The following TBC1D19 variants were observed in gnomAD, a reference collection of about 807,000 sequenced individuals.
TBC1D19 encodes the protein TBC1 domain family member 19.
A neutral mutation model predicts 89.0 loss-of-function variants in TBC1D19; 60 were observed. The observed-to-expected ratio is 0.67, with a 90% CI of 0.55 to 0.84. The LOEUF is 0.84. TBC1D19 is among the 40% of genes least tolerant of loss of function. TBC1D19 has a pLI of 0.00. For synonymous variants in TBC1D19, 189 were observed against 199.7 expected (o/e 0.95, Z 0.45); for missense variants, 500 against 610.8 (o/e 0.82, Z 1.91).
At position 26,659,645 on chromosome 4, in the gene TBC1D19, A is replaced by C; in HGVS notation, c.529A>C (p.Ser177Arg). 6.3e-7 allele frequency: 1 copy of C among 1,595,894 alleles called. No individual in the cohort carries two copies. The highest frequency in any genetic ancestry group is 1.1e-5 in the South Asian group (1 of 88,386). Residue 177 changes from serine (S) to arginine (R), a missense_variant, in exon 8 of 21, where the codon AGT (serine) becomes CGT (arginine). Transcript: ENST00000264866. Reference sequence around the variant, plus strand: ...AAATTATGAAAACGGTGATTCTCTTAGTTTCAGGACTCATTTGGGTTTAAT... The same window carrying C: ...AAATTATGAAAACGGTGATTCTCTTCGTTTCAGGACTCATTTGGGTTTAAT... ...NPNYENGDSLSFRTHLGLIQV... is the reference protein window; with the variant it reads ...NPNYENGDSLRFRTHLGLIQV...
intron 18 of TBC1D19, among the ~76,000 whole-genome samples, chr4:26,747,520 C>T (rs187608926): frequency 2.9e-4 from 44 of 152,284 alleles, no homozygotes; most frequent in African/African-American, 9.9e-4. Context: ...ATGACACCAA[C>T]CAAGGCAACC....
chr4:26,599,811 G>A (rs892489487), intron 1 of TBC1D19, among the ~76,000 whole-genome samples: 1 of 151,902 alleles, frequency 6.6e-6, no homozygotes, highest in Non-Finnish European at 1.5e-5. Context: ...AGCTGGGTAT[G>A]GTGGCGTGCA....
chr4:26,600,619 G>A lies in TBC1D19; in HGVS notation c.100-12550G>A, dbSNP rs149395763. Among the ~76,000 whole-genome samples the A allele has an allele frequency of 4.5e-3, 682 of 152,318 alleles. 4 individuals carry two copies. Among genetic ancestry groups the A allele is most frequent in the African/African-American group, 0.016 (651 of 41,566 alleles). On this transcript the variant is annotated intron_variant, in intron 1 of 20. Coordinates refer to ENST00000264866, the MANE Select transcript of TBC1D19 (RefSeq NM_018317.4). Reference sequence around the variant, plus strand: ...GGCATAGAGTATACCACGAAAGGAGGCTAAGAATAGAGATGCGGATGAATA... The same window carrying A: ...GGCATAGAGTATACCACGAAAGGAGACTAAGAATAGAGATGCGGATGAATA...
At chr4:26,768,628 A>G in the TBC1D19 span, among the ~76,000 whole-genome samples, 1 of 152,148 alleles carries the variant, frequency 6.6e-6, no homozygotes, top group Admixed American at 6.6e-5. Context: ...TTAAGTAGAG[A>G]CATGGAAGAT....
intron 15 of TBC1D19, among the ~76,000 whole-genome samples, chr4:26,726,133 ACACACAC>A (rs1717299320): frequency 5.7e-5 from 1 of 17,478 alleles, no homozygotes; most frequent in Non-Finnish European, 1.4e-4. Context: ...CCCAACACAC[ACACACAC>A]ACACACACAC....
At chr4:26,752,077 C>A (rs1324728771) in intron 19 of TBC1D19, among the ~76,000 whole-genome samples, 1 of 152,106 alleles carries the variant, frequency 6.6e-6, no homozygotes, top group Non-Finnish European at 1.5e-5. Flanking sequence ...CTATGCCTCA[C>A]TCTCTATATT....
intron 15 of TBC1D19, among the ~76,000 whole-genome samples, chr4:26,731,961 G>A (rs532248308): frequency 3.7e-4 from 56 of 152,152 alleles, no homozygotes; most frequent in Admixed American, 6.5e-4. Context: ...GAAAATGAGC[G>A]AGATTAGAGA....
At chr4:26,670,517 G>A (rs1712202674) in intron 9 of TBC1D19, among the ~76,000 whole-genome samples, 1 of 151,488 alleles carries the variant, frequency 6.6e-6, no homozygotes, top group African/African-American at 2.4e-5. Flanking sequence ...TTCAAAACTA[G>A]AGTTTTCAAG....
At chr4:26,650,545 CTTG>C (rs1744291520) in intron 7 of TBC1D19, among the ~76,000 whole-genome samples, 2 of 152,116 alleles carry the variant, frequency 1.3e-5, no homozygotes, top group African/African-American at 4.8e-5. Flanking sequence ...CCTTCGCCCA[CTTG>C]TTGATGGGGT....
chr4:26,748,651 T>C (rs1356151804), intron 19 of TBC1D19, 125 bp downstream of exon 19: 1 of 710,694 alleles, frequency 1.4e-6, no homozygotes. Context: ...AATTAATAGA[T>C]ATATCTGGCT....
chr4:26,818,060 G>A, the TBC1D19 span, among the ~76,000 whole-genome samples: 1 of 150,324 alleles, frequency 6.7e-6, no homozygotes, highest in Non-Finnish European at 1.5e-5. Flanking sequence ...TGGGGGTGTG[G>A]TTTGAAGTCC....
At chr4:26,593,383 A>G (rs942856697) in intron 1 of TBC1D19, among the ~76,000 whole-genome samples, 1 of 152,322 alleles carries the variant, frequency 6.6e-6, no homozygotes, top group East Asian at 1.9e-4. Context: ...AAGCATAAAA[A>G]CCCTAGAAGA....
intron 2 of TBC1D19, 75 bp from the exon 3 acceptor site, chr4:26,614,333 G>A (rs1741546954): frequency 9.3e-7 from 1 of 1,076,004 alleles, no homozygotes; most frequent in African/African-American, 1.6e-5. Context: ...GTTTTATTGA[G>A]ATAAATTTAA....
intron 13 of TBC1D19, among the ~76,000 whole-genome samples, chr4:26,698,430 A>G (rs942546594): frequency 6.6e-6 from 1 of 152,200 alleles, no homozygotes; most frequent in Non-Finnish European, 1.5e-5. Flanking sequence ...GAAAATGGCC[A>G]TACTGCCCAA....
intron 15 of TBC1D19, among the ~76,000 whole-genome samples, chr4:26,722,545 C>A (rs985541966): frequency 6.6e-6 from 1 of 152,026 alleles, no homozygotes; most frequent in Non-Finnish European, 1.5e-5. Context: ...TATAAAACAG[C>A]GTATTAGACC....
chr4:26,621,455 A>C lies in TBC1D19; in HGVS notation c.294+767A>C, dbSNP rs80102524. Reference sequence around the variant, plus strand: ...GCATAGCCTCAGAGATGGATTTTTAAAACCTTTTTTGGTATGGAATATTTC... The same window carrying C: ...GCATAGCCTCAGAGATGGATTTTTACAACCTTTTTTGGTATGGAATATTTC... On this transcript the variant is annotated intron_variant, in intron 4 of 20. Coordinates refer to ENST00000264866, the MANE Select transcript of TBC1D19 (RefSeq NM_018317.4). Among the ~76,000 whole-genome samples the C allele has an allele frequency of 9.1e-3, 1,389 of 152,248 alleles. 16 individuals are homozygous for C. Among genetic ancestry groups the C allele is most frequent in the Non-Finnish European group, 0.013 (904 of 68,018 alleles).
At chr4:26,735,134 T>A (rs1383416456) in intron 15 of TBC1D19, among the ~76,000 whole-genome samples, 2 of 151,220 alleles carry the variant, frequency 1.3e-5, no homozygotes, top group African/African-American at 2.4e-5. Flanking sequence ...GTGTGTATAT[T>A]TGTATACACA....
At chr4:26,801,382 C>G in the TBC1D19 span, among the ~76,000 whole-genome samples, 68 of 152,228 alleles carry the variant, frequency 4.5e-4, 1 homozygote, top group East Asian at 0.012. Flanking sequence ...TGTTTTGGTA[C>G]CAGTACCATG....
intron 8 of TBC1D19, among the ~76,000 whole-genome samples, chr4:26,662,647 T>C (rs954747098): frequency 6.6e-6 from 1 of 152,098 alleles, no homozygotes; most frequent in African/African-American, 2.4e-5. Context: ...CTGAAATTTT[T>C]TTATAAAAGA....
Sources: gnomAD v4.1 joint callset for allele counts (sites outside exome capture counted in the v4.1 genomes callset) on GRCh38, gnomAD v4.1.1 for gene constraint, MANE v1.5 for transcripts, NCBI Gene and HGNC (gene_info 2026-07-23, HGNC 2026-07-21) for gene names.